The following FOXP1 variants were observed in gnomAD, a reference collection of about 807,000 sequenced individuals.
FOXP1 encodes forkhead box protein P1.
Under a neutral mutation model 98.2 loss-of-function variants are expected in FOXP1, and 15 were observed. That is an observed-to-expected ratio of 0.15 (90% confidence interval 0.10 to 0.24). The LOEUF is 0.24. FOXP1 is among the 10% of genes least tolerant of loss of function. FOXP1 has a pLI of 1.00. For missense variants in FOXP1, 633 were observed against 848.5 expected (o/e 0.75, Z 3.15); for synonymous variants, 371 against 314.5 (o/e 1.18, Z -1.90).
intron 13 of FOXP1, among the ~76,000 whole-genome samples, chr3:70,990,538 A>T (rs536995560): frequency 6.6e-6 from 1 of 152,350 alleles, no homozygotes; most frequent in South Asian, 2.1e-4. Flanking sequence ...TAGCAAGCAT[A>T]TTCCAGCATT....
chr3:71,169,780 T>G (rs1407864388), intron 6 of FOXP1, among the ~76,000 whole-genome samples: 2 of 141,582 alleles, frequency 1.4e-5, no homozygotes, highest in Admixed American at 7.0e-5. Flanking sequence ...AAAAAATTAC[T>G]GGCAAAAAAA....
chr3:71,139,697 C>G (rs1273511568), intron 6 of FOXP1, among the ~76,000 whole-genome samples: 1 of 152,106 alleles, frequency 6.6e-6, no homozygotes, highest in Non-Finnish European at 1.5e-5. Flanking sequence ...CAGCACAAGC[C>G]AGGGCAGGAG....
At chr3:71,480,240 G>C (rs908855867) in intron 3 of FOXP1, among the ~76,000 whole-genome samples, 3 of 152,124 alleles carry the variant, frequency 2.0e-5, no homozygotes, top group Non-Finnish European at 4.4e-5. Flanking sequence ...AACAGGAACA[G>C]ACTCGTGATC....
chr3:71,536,409 G>A (rs1335229121), intron 2 of FOXP1, among the ~76,000 whole-genome samples: 1 of 152,096 alleles, frequency 6.6e-6, no homozygotes, highest in African/African-American at 2.4e-5. Flanking sequence ...ACCCTAGTCA[G>A]CAACTGGCAG....
rs371746380 is a variant in FOXP1 at position 71,226,962 on chromosome 3, C to T, written c.-11-28570G>A. 5.7e-4 allele frequency among the ~76,000 whole-genome samples: 86 copies of T among 152,196 alleles called. 1 individual carries two copies. Among genetic ancestry groups the T allele is most frequent in the African/African-American group, 1.9e-3 (77 of 41,526 alleles). On this transcript the variant is annotated intron_variant, in intron 5 of 20. Transcript: ENST00000649528. The stretch of plus-strand genomic sequence containing the variant: ...AGTCCCCTCTGATGACAGGGCAGAG[C>T]GCACAGGACGACTCTGGTTTGGCTG...
intron 5 of FOXP1, among the ~76,000 whole-genome samples, chr3:71,298,769 C>G (rs573707911): frequency 6.2e-4 from 94 of 152,230 alleles, no homozygotes; most frequent in Non-Finnish European, 9.0e-4. Context: ...CTAGAACCCC[C>G]CCAAGCCCCA....
intron 3 of FOXP1, among the ~76,000 whole-genome samples, chr3:71,368,395 G>T (rs2079065796): frequency 6.6e-6 from 1 of 152,152 alleles, no homozygotes; most frequent in Non-Finnish European, 1.5e-5. Flanking sequence ...CCAAAGTGCT[G>T]GGATTACAGG....
chr3:71,514,704 T>C (rs2042435588), intron 2 of FOXP1, among the ~76,000 whole-genome samples: 1 of 152,202 alleles, frequency 6.6e-6, no homozygotes, highest in African/African-American at 2.4e-5. Flanking sequence ...AACAGACCTG[T>C]CTAAGCTCAG....
At chr3:71,237,231 GAAAAAAAAAAAAAAAA>G (rs757405755) in intron 5 of FOXP1, among the ~76,000 whole-genome samples, 5 of 28,270 alleles carry the variant, frequency 1.8e-4, no homozygotes, top group Non-Finnish European at 2.9e-4. Flanking sequence ...GACTCCATCT[GAAAAAAAAAAAAAAAA>G]AAAAAAAAAA....
At chr3:71,436,393 G>C (rs537039851) in intron 3 of FOXP1, among the ~76,000 whole-genome samples, 2 of 152,092 alleles carry the variant, frequency 1.3e-5, no homozygotes, top group African/African-American at 2.4e-5. Flanking sequence ...CTGTGCCGCC[G>C]AACTTGTGGT....
At chr3:71,142,154 C>G (rs1374613920) in intron 6 of FOXP1, among the ~76,000 whole-genome samples, 3 of 151,394 alleles carry the variant, frequency 2.0e-5, no homozygotes, top group Non-Finnish European at 1.5e-5. Context: ...AAAAAAAAAA[C>G]CTGTAAAAAC....
chr3:71,018,835 T>C lies in FOXP1; in HGVS notation c.870-3182A>G, dbSNP rs535848025. ...TCTTTTGAAGTTTTAATTTTGCACA[T>C]TGTAGGAACTGTTGCTGTGCAATTG... On this transcript the variant is annotated intron_variant, in intron 11 of 20. Coordinates refer to ENST00000649528, the MANE Select transcript of FOXP1 (RefSeq NM_001349338.3). 4.5e-4 allele frequency among the ~76,000 whole-genome samples: 68 copies of C among 152,294 alleles called. 1 individual carries two copies. The highest frequency in any genetic ancestry group is 2.5e-3 in the South Asian group (12 of 4,830).
rs77511932 is a variant in FOXP1, at chr3:71,204,778, G to A, written c.-11-6386C>T. On this transcript the variant is annotated intron_variant, in intron 5 of 20. Transcript: ENST00000649528. ...AAAAAACAAAAAGGGTAGATGGGAG[G>A]AGAAAGAACAAAACAAGAGAAACAG... Among the ~76,000 whole-genome samples the A allele has an allele frequency of 9.5e-3, 1,442 of 152,190 alleles. 28 individuals carry two copies. Among genetic ancestry groups the A allele is most frequent in the African/African-American group, 0.033 (1,389 of 41,520 alleles).
intron 11 of FOXP1, among the ~76,000 whole-genome samples, chr3:71,028,953 G>A (rs929284038): frequency 6.6e-6 from 1 of 152,162 alleles, no homozygotes; most frequent in Non-Finnish European, 1.5e-5. Context: ...CTGATAGGAG[G>A]CGAAGCTCAG....
In FOXP1 at chr3:70,957,681, A is replaced by G. The variant is rs544771837; in HGVS notation, c.*1566T>C. On this transcript the variant is annotated 3_prime_UTR_variant, in exon 21 of 21. Coordinates refer to ENST00000649528, the MANE Select transcript of FOXP1 (RefSeq NM_001349338.3). ...GAGGTTGTACTGACCTGTAACCATC[A>G]CATTTCTGCATACCATGTTTGGGAC... 4.5e-4 allele frequency: 104 copies of G among 233,522 alleles called. No individual in the cohort carries two copies. The highest frequency in any genetic ancestry group is 2.2e-3 in the African/African-American group (102 of 45,448). The allele number at this position is 233,522 out of a possible 1,614,324, so 14.5% of individuals were successfully genotyped here. A position where few individuals can be genotyped will look rare whatever the true frequency, so the allele number is the denominator to read the frequency against.
chr3:71,581,799 G>C (rs564615440), intron 1 of FOXP1, 102 bp from the exon 2 acceptor site: 2 of 986,062 alleles, frequency 2.0e-6, no homozygotes, highest in Non-Finnish European at 1.2e-6. Flanking sequence ...GAGGGGCCAG[G>C]ACAGAGAGGG....
At chr3:71,287,767 G>A (rs1014714528) in intron 5 of FOXP1, among the ~76,000 whole-genome samples, 3 of 151,996 alleles carry the variant, frequency 2.0e-5, no homozygotes, top group Non-Finnish European at 2.9e-5. Flanking sequence ...GTGACAGAAC[G>A]AGACTTCATC....
chr3:71,070,961 C>A (rs937926150), intron 7 of FOXP1, among the ~76,000 whole-genome samples: 1 of 152,176 alleles, frequency 6.6e-6, no homozygotes, highest in Non-Finnish European at 1.5e-5. Flanking sequence ...CCGGGGAAGC[C>A]GGCACAGGGC....
At position 70,976,957 on chromosome 3, in the gene FOXP1, T is replaced by C. The variant is rs1475000796; in HGVS notation, c.1514A>G (p.Asn505Ser). The C allele has an allele frequency of 1.9e-6, 3 of 1,613,708 alleles. No individual in the cohort carries two copies. The highest frequency in any genetic ancestry group is 1.7e-5 in the Admixed American group (1 of 60,002). The change falls in exon 17 of 21, where the codon AAC (asparagine) becomes AGC (serine). Residue 505 changes from asparagine to serine, a missense_variant. Asn to Ser is a conservative substitution (Grantham distance 46). This residue lies in a region of FOXP1 where 141 missense variants were observed against 199.5 expected (regional missense o/e 0.71). Coordinates refer to ENST00000649528, the MANE Select transcript of FOXP1 (RefSeq NM_001349338.3). ...FTRMFAYFRRNAATWKNAVRH... is the reference protein window; with the variant it reads ...FTRMFAYFRRSAATWKNAVRH... ...AAAGCTTACCTTCCACGTGGCCGCG[T>C]TGCGTCGGAAGTAAGCAAACATTCG...
Sources: allele counts gnomAD v4.1 joint callset (sites outside exome capture counted in the v4.1 genomes callset), GRCh38; gene constraint gnomAD v4.1.1; regional missense constraint gnomAD v4.1.1; transcripts MANE v1.5; gene names NCBI Gene and HGNC (gene_info 2026-07-23, HGNC 2026-07-21).